The following ARFGAP2 variants were observed in gnomAD, a reference collection of about 807,000 sequenced individuals.
ARFGAP2 encodes ADP-ribosylation factor GTPase-activating protein 2.
In ARFGAP2, 45 loss-of-function variants were observed where a neutral mutation model predicts 71.9. The observed-to-expected ratio is 0.63, with a 90% confidence interval of 0.49 to 0.80. The LOEUF (loss-of-function observed/expected upper bound fraction) is 0.80, where lower values mean the gene tolerates loss of function less well. ARFGAP2 is among the 30% of genes least tolerant of loss of function. The pLI is 0.00. For missense variants in ARFGAP2, 633 were observed against 673.9 expected (o/e 0.94, Z 0.67); for synonymous variants, 248 against 249.2 (o/e 1.00, Z 0.05).
Position 47,171,618 on chromosome 11 carries a change from CCA to C in ARFGAP2, c.809+44_809+45del, listed in dbSNP as rs775452367. 1,893 of 1,613,978 alleles carry C rather than the reference CCA, an allele frequency of 1.2e-3. 1 individual carries two copies. The highest frequency in any genetic ancestry group is 1.5e-3 in the Non-Finnish European group (1,756 of 1,179,970). On this transcript the variant is annotated intron_variant, in intron 9 of 15. Transcript: ENST00000524782. ...ATCCTGACCTGTCCAACATACCCAC[CCA>C]CCAAGCCCCGCAGAAGCCTGAGGCC...
chr11:47,167,812 CAG>C, intron 12 of ARFGAP2, 95 bp downstream of exon 12: 2 of 1,401,642 alleles, frequency 1.4e-6, no homozygotes, highest in Non-Finnish European at 1.9e-6. Flanking sequence ...CCCATCAACA[CAG>C]AAAGTTCTTC....
rs775099593 is a variant in ARFGAP2, at chr11:47,171,416, T to C, written c.941+10A>G. 6.2e-7 allele frequency: 1 copy of C among 1,614,094 alleles called. No individual in the cohort carries two copies. The highest frequency in any genetic ancestry group is 8.5e-7 in the Non-Finnish European group (1 of 1,179,952). On this transcript the variant is annotated intron_variant, in intron 10 of 15. Coordinates refer to ENST00000524782, the MANE Select transcript of ARFGAP2 (RefSeq NM_032389.6). ...GGCATTTCCCTGCCACACCCGGAGCTGAGCCTCACCTTCGGGATACCAAGC... is the reference window on the plus strand; with the variant it reads ...GGCATTTCCCTGCCACACCCGGAGCCGAGCCTCACCTTCGGGATACCAAGC...
chr11:47,176,793 G>C lies in ARFGAP2; in HGVS notation c.61C>G (p.Pro21Ala), dbSNP rs756928739. 3.7e-6 allele frequency: 6 copies of C among 1,614,008 alleles called. No homozygotes were observed. The highest frequency in any genetic ancestry group is 1.7e-5 in the Admixed American group (1 of 60,008). Residue 21 changes from proline (P) to alanine (A), a missense_variant, in exon 1 of 16, where the codon CCA becomes GCA. Physicochemically the swap from Pro to Ala is conservative, Grantham distance 27. Transcript: ENST00000524782. ...QTLFKRLRAV[P>A]TNKACFDCGA... The stretch of plus-strand genomic sequence containing the variant: ...CCCTGCTCACGCACCTTGTTGGTTG[G>C]AACTGCGCGAAGCCTCTTAAAAAGA...
chr11:47,173,244 GCTTGGCT>G (rs1451210233), intron 7 of ARFGAP2, 175 bp downstream of exon 7: 3 of 745,638 alleles, frequency 4.0e-6, no homozygotes, highest in Non-Finnish European at 6.7e-6. Context: ...AATTCAAAGG[GCTTGGCT>G]CTAAAATCAG....
chr11:47,171,432 G>A lies in ARFGAP2; in HGVS notation c.935C>T (p.Ser312Phe), dbSNP rs757185986. 1.2e-6 allele frequency: 2 copies of A among 1,614,204 alleles called. No homozygotes were observed. Among genetic ancestry groups the A allele is most frequent in the Admixed American group, 3.3e-5 (2 of 60,022 alleles). Residue 312 changes from serine to phenylalanine, a missense_variant, in exon 10 of 16, where the codon TCC becomes TTC. Transcript: ENST00000524782. ...ACCCGGAGCTGAGCCTCACCTTCGG[G>A]ATACCAAGCCCATGCCCAACCTTTC... ...QAERLGMGLV[S>F]RSSVSHSVLS...
chr11:47,173,682 T>C, intron 6 of ARFGAP2, 77 bp downstream of exon 6: 1 of 1,515,458 alleles, frequency 6.6e-7, no homozygotes, highest in Non-Finnish European at 8.9e-7. Flanking sequence ...CCTATTGTCA[T>C]GGCCAGATGT....
At chr11:47,176,727 C>G (rs539964746) in intron 1 of ARFGAP2, 55 bp downstream of exon 1, 1 of 1,612,526 alleles carries the variant, frequency 6.2e-7, no homozygotes, top group Non-Finnish European at 8.5e-7. Flanking sequence ...CCGCCCTTCT[C>G]CCTCCCTCAG....
intron 10 of ARFGAP2, 134 bp downstream of exon 10, chr11:47,171,292 T>C (rs888509909): frequency 7.1e-5 from 101 of 1,428,862 alleles, no homozygotes; most frequent in African/African-American, 2.1e-4. Flanking sequence ...TTAGGGACTT[T>C]AGAACAATAA....
Position 47,165,476 on chromosome 11 carries a change from C to T in ARFGAP2, c.*6G>A. 6.4e-7 allele frequency: 1 copy of T among 1,571,732 alleles called. No individual in the cohort carries two copies. Among genetic ancestry groups the T allele is most frequent in the South Asian group, 1.2e-5 (1 of 85,776 alleles). On this transcript the variant is annotated 3_prime_UTR_variant, in exon 16 of 16. Transcript: ENST00000524782. ...ACCATCGTAAGCCTGAGTCACAGAG[C>T]TCGGATCAGTAGGAACCGTAGCGAT...
Position 47,173,470 on chromosome 11 carries a change from C to A in ARFGAP2, c.575G>T (p.Gly192Val). The change falls in exon 7 of 16, where the codon GGC (glycine) becomes GTC (valine). Residue 192 changes from glycine to valine, a missense_variant. Coordinates refer to ENST00000524782, the MANE Select transcript of ARFGAP2 (RefSeq NM_032389.6). ...GGTGCCAAGCAGGTCTGTGTTGGGG[C>A]CATGCTCCGGCTCTGTGGATGCAAT... is the stretch of plus-strand genomic sequence containing the variant. Reference protein sequence around the residue: ...ESSGLAQPEHGPNTDLLGTSP... With the variant: ...ESSGLAQPEHVPNTDLLGTSP... 1 of 1,558,414 alleles carries A rather than the reference C, an allele frequency of 6.4e-7. No homozygotes were observed. The highest frequency in any genetic ancestry group is 8.7e-7 in the Non-Finnish European group (1 of 1,151,100).
chr11:47,175,044 C>G lies in ARFGAP2; in HGVS notation c.451G>C (p.Asp151His). 6.2e-7 allele frequency: 1 copy of G among 1,614,156 alleles called. No individual in the cohort carries two copies. Among genetic ancestry groups the G allele is most frequent in the South Asian group, 1.1e-5 (1 of 91,082 alleles). Residue 151 changes from aspartate to histidine, a missense_variant, in exon 5 of 16, where the codon GAC becomes CAC. Coordinates refer to ENST00000524782, the MANE Select transcript of ARFGAP2 (RefSeq NM_032389.6). The stretch of plus-strand genomic sequence containing the variant: ...GTGTGTTCTGTGAAGAAATCAGAGT[C>G]CTTCTTCTCTGGGGAGTGATTAGGA... ...AVPNHSPEKK[D>H]SDFFTEHTQP...
At chr11:47,174,943 C>A in intron 5 of ARFGAP2, 72 bp downstream of exon 5, 1 of 1,497,314 alleles carries the variant, frequency 6.7e-7, no homozygotes, top group South Asian at 1.1e-5. Flanking sequence ...CAACCATGAT[C>A]ACAGAAGGCC....
chr11:47,175,440 C>A, intron 3 of ARFGAP2, 127 bp from the exon 4 acceptor site: 1 of 1,422,340 alleles, frequency 7.0e-7, no homozygotes, highest in Middle Eastern at 1.7e-4. Flanking sequence ...ACGCTACTGA[C>A]ACCGGTTTTT....
chr11:47,175,660 T>G, intron 3 of ARFGAP2, 191 bp downstream of exon 3: 3 of 683,574 alleles, frequency 4.4e-6, no homozygotes, highest in Non-Finnish European at 7.4e-6. Flanking sequence ...ACCTGCCCAG[T>G]TTAATTGGAA....
intron 10 of ARFGAP2, among the ~76,000 whole-genome samples, chr11:47,168,823 C>T (rs1032566355): frequency 1.3e-5 from 2 of 151,948 alleles, no homozygotes; most frequent in Non-Finnish European, 2.9e-5. Flanking sequence ...GTGCCTGGCT[C>T]GTGTTGTAAT....
At position 47,175,270 on chromosome 11, in the gene ARFGAP2, T is replaced by C. The variant is rs117324352; in HGVS notation, c.308A>G (p.Asn103Ser). ...GGCAGCTCGGCTATTATATTTGGTGTTGGCATCATTGGCTGTGCATCCATG... is the reference window on the plus strand; with the variant it reads ...GGCAGCTCGGCTATTATATTTGGTGCTGGCATCATTGGCTGTGCATCCATG... ...RQHGCTANDA[N>S]TKYNSRAAQM... Residue 103 changes from asparagine to serine, a missense_variant, in exon 4 of 16, where the codon AAC becomes AGC. By Grantham distance (46) the Asn-to-Ser change is conservative. Transcript: ENST00000524782. The C allele has an allele frequency of 2.0e-3, 3,276 of 1,614,138 alleles. 6 individuals carry two copies. The highest frequency in any genetic ancestry group is 2.2e-3 in the Non-Finnish European group (2,642 of 1,180,022).
intron 5 of ARFGAP2, chr11:47,174,480 C>CG (rs1454654510): frequency 1.6e-4 from 24 of 150,234 alleles, no homozygotes; most frequent in African/African-American, 6.1e-4. Flanking sequence ...ACTGCAAGCT[C>CG]CGCTTCCCGG....
intron 12 of ARFGAP2, among the ~76,000 whole-genome samples, chr11:47,167,351 C>T (rs1166704786): frequency 2.0e-5 from 3 of 152,188 alleles, no homozygotes; most frequent in Non-Finnish European, 4.4e-5. Flanking sequence ...TCTCATCTCA[C>T]GCTGAGTATG....
Position 47,165,424 on chromosome 11 carries a change from G to A in ARFGAP2, c.*58C>T. ...CCACAAGGCAAAGCATCCCCAGCCT[G>A]GGAACTGTGGAGTTCTTGTTGCCGT... On this transcript the variant is annotated 3_prime_UTR_variant, in exon 16 of 16. Coordinates refer to ENST00000524782, the MANE Select transcript of ARFGAP2 (RefSeq NM_032389.6). 1.3e-6 allele frequency: 2 copies of A among 1,547,414 alleles called. No individual in the cohort carries two copies. Among genetic ancestry groups the A allele is most frequent in the South Asian group, 1.2e-5 (1 of 82,298 alleles).
Sources: allele counts gnomAD v4.1 joint callset (sites outside exome capture counted in the v4.1 genomes callset), GRCh38; gene constraint gnomAD v4.1.1; transcripts MANE v1.5; gene names NCBI Gene and HGNC (gene_info 2026-07-23, HGNC 2026-07-21).